THADA: variants seen among roughly 807,000 people sequenced by gnomAD.
THADA encodes the protein tRNA (32-2'-O)-methyltransferase regulator THADA.
In THADA, 213 loss-of-function variants were observed where a neutral mutation model predicts 219.8. The observed-to-expected ratio is 0.97, with a 90% CI of 0.87 to 1.09. The LOEUF is 1.09. Ranked by LOEUF, THADA falls within the 50% of genes least tolerant of loss-of-function variation. The probability of loss-of-function intolerance (pLI) is 0.00; values close to 1 mark genes in which losing one functional copy is unlikely to be tolerated. For missense variants in THADA, 2,956 were observed against 2,311.3 expected (o/e 1.28, Z -5.72); for synonymous variants, 1,018 against 828.9 (o/e 1.23, Z -3.92).
intron 25 of THADA, among the ~76,000 whole-genome samples, chr2:43,485,716 C>A (rs138694217): frequency 1.3e-5 from 2 of 151,962 alleles, no homozygotes; most frequent in Non-Finnish European, 2.9e-5. Flanking sequence ...ATTTTACCTA[C>A]GAGAAAATAC....
At chr2:43,584,990 T>TCCCTCA (rs1354617725) in intron 7 of THADA, among the ~76,000 whole-genome samples, 4 of 152,154 alleles carry the variant, frequency 2.6e-5, no homozygotes, top group African/African-American at 4.8e-5. Flanking sequence ...TCAGCCTTCT[T>TCCCTCA]CCCTCACTCA....
intron 26 of THADA, among the ~76,000 whole-genome samples, chr2:43,433,724 G>A (rs986933645): frequency 1.3e-5 from 2 of 152,056 alleles, no homozygotes; most frequent in African/African-American, 4.8e-5. Flanking sequence ...GCCTTGCTCT[G>A]TTGCCCAGGC....
intron 28 of THADA, among the ~76,000 whole-genome samples, chr2:43,401,952 A>T (rs1055184862): frequency 2.7e-5 from 4 of 149,510 alleles, no homozygotes; most frequent in South Asian, 2.2e-4. Context: ...TTTTTTTTTA[A>T]AAAAAATTTT....
chr2:43,285,568 T>TG (rs1558518190), intron 35 of THADA, among the ~76,000 whole-genome samples: 2 of 141,648 alleles, frequency 1.4e-5, no homozygotes, highest in African/African-American at 5.1e-5. Flanking sequence ...TCTCAGGTAG[T>TG]TTTTTTTTTT....
intron 31 of THADA, among the ~76,000 whole-genome samples, chr2:43,307,906 T>C (rs1677045226): frequency 6.6e-6 from 1 of 151,922 alleles, no homozygotes; most frequent in African/African-American, 2.4e-5. Flanking sequence ...AAGTAGAACA[T>C]GAAAACAGTT....
At chr2:43,543,738 T>G (rs6739345) in intron 20 of THADA, among the ~76,000 whole-genome samples, 32,000 of 152,126 alleles carry the variant, frequency 0.21, 3,504 homozygotes, top group Middle Eastern at 0.27. Context: ...TCTTGTAAAT[T>G]TGTTTTGAGT....
chr2:43,334,164 G>T (rs1168778065), intron 30 of THADA, among the ~76,000 whole-genome samples: 1 of 152,162 alleles, frequency 6.6e-6, no homozygotes, highest in Non-Finnish European at 1.5e-5. Flanking sequence ...ACTCAGCTCA[G>T]TGGGGTCCAG....
chr2:43,381,538 G>A (rs963965186), intron 29 of THADA, among the ~76,000 whole-genome samples: 2 of 151,682 alleles, frequency 1.3e-5, no homozygotes, highest in African/African-American at 2.4e-5. Flanking sequence ...TGGCAAACAC[G>A]ACTTCTAAGC....
chr2:43,380,657 C>G (rs1038456351), intron 29 of THADA, among the ~76,000 whole-genome samples: 1 of 152,174 alleles, frequency 6.6e-6, no homozygotes, highest in Non-Finnish European at 1.5e-5. Flanking sequence ...CGGTAACACC[C>G]TAGTAGCCAT....
rs1021410187 is a variant in THADA, at chr2:43,573,003, A to G, written c.1730-11T>C. The G allele has an allele frequency of 6.2e-7, 1 of 1,611,398 alleles. No individual in the cohort carries two copies. The highest frequency in any genetic ancestry group is 2.2e-5 in the East Asian group (1 of 44,854). Reference sequence around the variant, plus strand: ...AAGATTGCTCTTGTCCTGAAAGCACAATAACAAAGACCATTACTGTATTAT... The same window carrying G: ...AAGATTGCTCTTGTCCTGAAAGCACGATAACAAAGACCATTACTGTATTAT... On this transcript the variant is annotated splice_polypyrimidine_tract_variant and intron_variant, in intron 11 of 37. Coordinates refer to ENST00000405975, the MANE Select transcript of THADA (RefSeq NM_022065.5).
intron 28 of THADA, among the ~76,000 whole-genome samples, chr2:43,417,342 C>A (rs1434087635): frequency 6.6e-6 from 1 of 152,076 alleles, no homozygotes; most frequent in African/African-American, 2.4e-5. Flanking sequence ...TAGCCTCAAG[C>A]CACATTCTCT....
intron 36 of THADA, among the ~76,000 whole-genome samples, chr2:43,254,955 A>C (rs1670159574): frequency 6.6e-6 from 1 of 152,156 alleles, no homozygotes; most frequent in South Asian, 2.1e-4. Context: ...GGCTTTTTGG[A>C]ATGTTAGTAG....
intron 26 of THADA, among the ~76,000 whole-genome samples, chr2:43,478,906 G>A: frequency 6.6e-6 from 1 of 152,180 alleles, no homozygotes; most frequent in Non-Finnish European, 1.5e-5. Flanking sequence ...AGGCCAAAGT[G>A]TCAGTACAGA....
chr2:43,231,041 T>G lies in THADA; in HGVS notation c.5769A>C (p.Gly1923=), dbSNP rs910149021. The change falls in exon 38 of 38, where the codon GGA becomes GGC. Residue 1923 remains glycine (G), a synonymous_variant. Coordinates refer to ENST00000405975, the MANE Select transcript of THADA (RefSeq NM_022065.5). ...ACLRLLAFLE[G]KEGEDTLVLS... is the part of the protein sequence containing the mutation. ...GAACTAGGGTGTCTTCCCCTTCCTTTCCTTCCAAAAAGGCCAGCAGCCTCA... is the reference window on the plus strand; with the variant it reads ...GAACTAGGGTGTCTTCCCCTTCCTTGCCTTCCAAAAAGGCCAGCAGCCTCA... The G allele has an allele frequency of 6.2e-7, 1 of 1,613,792 alleles. No individual in the cohort carries two copies. Among genetic ancestry groups the G allele is most frequent in the African/African-American group, 1.3e-5 (1 of 74,898 alleles).
At chr2:43,408,546 T>C (rs1403932099) in intron 28 of THADA, 1 of 152,222 alleles carries the variant, frequency 6.6e-6, no homozygotes, top group Non-Finnish European at 1.5e-5. Flanking sequence ...AAGTGAAACC[T>C]ACTGTGAAGC....
intron 29 of THADA, among the ~76,000 whole-genome samples, chr2:43,344,577 G>A (rs1325229085): frequency 6.6e-6 from 1 of 152,122 alleles, no homozygotes; most frequent in African/African-American, 2.4e-5. Flanking sequence ...GTTAGCTGTC[G>A]CACATGAAAA....
chr2:43,249,410 G>C (rs946096200), intron 36 of THADA, among the ~76,000 whole-genome samples: 1 of 152,132 alleles, frequency 6.6e-6, no homozygotes, highest in South Asian at 2.1e-4. Flanking sequence ...TTCTAAGCAG[G>C]CTCCTTGCTT....
In THADA at chr2:43,557,558, A is replaced by G. The variant is rs143622699; in HGVS notation, c.2464-1003T>C. Reference sequence around the variant, plus strand: ...ATTATGCATCAGAGCTCCCACACCTATATCTCACAGAAACATCCACTCACA... The same window carrying G: ...ATTATGCATCAGAGCTCCCACACCTGTATCTCACAGAAACATCCACTCACA... On this transcript the variant is annotated intron_variant, in intron 16 of 37. Coordinates refer to ENST00000405975, the MANE Select transcript of THADA (RefSeq NM_022065.5). Among the ~76,000 whole-genome samples the G allele has an allele frequency of 8.5e-3, 1,295 of 152,318 alleles. 5 individuals carry two copies. Among genetic ancestry groups the G allele is most frequent in the Non-Finnish European group, 0.014 (954 of 68,028 alleles).
intron 20 of THADA, among the ~76,000 whole-genome samples, chr2:43,544,425 G>C (rs1187177784): frequency 1.3e-5 from 2 of 152,192 alleles, no homozygotes; most frequent in Admixed American, 1.3e-4. Flanking sequence ...GGCATTGGTA[G>C]CTTGATGGGG....
Sources: allele counts gnomAD v4.1 joint callset (sites outside exome capture counted in the v4.1 genomes callset), GRCh38; gene constraint gnomAD v4.1.1; transcripts MANE v1.5; gene names NCBI Gene and HGNC (gene_info 2026-07-23, HGNC 2026-07-21).